Variants in SCMH1 observed in about 807,000 individuals in gnomAD.
SCMH1 encodes polycomb protein SCMH1.
In SCMH1, 37 loss-of-function variants were observed where a neutral mutation model predicts 70.8. That is an observed-to-expected ratio of 0.52 (90% CI 0.40 to 0.69). The LOEUF (loss-of-function observed/expected upper bound fraction) is 0.69. Among genes scored for constraint, SCMH1 ranks in the 30% least tolerant of loss-of-function variants. The pLI is 0.00. For missense variants in SCMH1, 607 were observed against 827.3 expected, an observed-to-expected ratio of 0.73 and a Z score of 3.27; for synonymous variants, 292 against 307.4, an observed-to-expected ratio of 0.95 and a Z score of 0.52.
At chr1:41,134,170 C>T (rs1008987343) in intron 6 of SCMH1, among the ~76,000 whole-genome samples, 1 of 152,130 alleles carries the variant, frequency 6.6e-6, no homozygotes, top group African/African-American at 2.4e-5. Context: ...TAAACAGAAC[C>T]AATGACAAAC....
chr1:41,079,682 T>C (rs1571879055), intron 8 of SCMH1, among the ~76,000 whole-genome samples: 1 of 152,088 alleles, frequency 6.6e-6, no homozygotes, highest in Non-Finnish European at 1.5e-5. Flanking sequence ...GGCAACACTG[T>C]GAGACCCCAT....
intron 9 of SCMH1, among the ~76,000 whole-genome samples, chr1:41,072,938 G>T (rs896618207): frequency 6.6e-6 from 1 of 152,064 alleles, no homozygotes; most frequent in Non-Finnish European, 1.5e-5. Flanking sequence ...CACTTGTAGG[G>T]GTAGGCAAAA....
At chr1:41,124,572 TA>T (rs1672716840) in intron 6 of SCMH1, among the ~76,000 whole-genome samples, 1 of 150,944 alleles carries the variant, frequency 6.6e-6, no homozygotes, top group Non-Finnish European at 1.5e-5. Flanking sequence ...TCCTCATAAT[TA>T]CATTCATGCT....
intron 8 of SCMH1, among the ~76,000 whole-genome samples, chr1:41,096,304 G>T (rs1344533759): frequency 1.3e-5 from 2 of 152,158 alleles, no homozygotes; most frequent in Admixed American, 6.5e-5. Context: ...AAAAATACTT[G>T]CTTAAGATCT....
rs541341452 is a variant in SCMH1, at chr1:41,133,748, A to G, written c.412+9130T>C. The stretch of plus-strand genomic sequence containing the variant: ...CAAGACTAAATCAGGAAGAAGCTGA[A>G]TCTCTAAATAGACCAAAGGTTCTGA... On this transcript the variant is annotated intron_variant, in intron 6 of 14. Transcript: ENST00000337495. Among the ~76,000 whole-genome samples the G allele has an allele frequency of 1.0e-3, 156 of 152,336 alleles. 1 individual carries two copies. Among genetic ancestry groups the G allele is most frequent in the Non-Finnish European group, 1.7e-3 (116 of 68,024 alleles).
chr1:41,128,542 A>G (rs2148041517), intron 6 of SCMH1, among the ~76,000 whole-genome samples: 1 of 152,150 alleles, frequency 6.6e-6, no homozygotes, highest in South Asian at 2.1e-4. Flanking sequence ...TTGTTCTTCT[A>G]TATATCATGT....
chr1:41,190,806 G>A (rs935200519), intron 1 of SCMH1, among the ~76,000 whole-genome samples: 12 of 152,000 alleles, frequency 7.9e-5, no homozygotes, highest in African/African-American at 1.9e-4. Flanking sequence ...TCTCTTCTGC[G>A]TCTCCATCTA....
chr1:41,111,060 T>C (rs1669131154), intron 8 of SCMH1, among the ~76,000 whole-genome samples: 1 of 152,246 alleles, frequency 6.6e-6, no homozygotes, highest in African/African-American at 2.4e-5. Flanking sequence ...CTTAAGTGCT[T>C]ATTGGCTATC....
At chr1:41,158,130 G>A (rs1270186370) in intron 4 of SCMH1, among the ~76,000 whole-genome samples, 2 of 152,176 alleles carry the variant, frequency 1.3e-5, no homozygotes, top group Non-Finnish European at 2.9e-5. Context: ...CTGAGGACCA[G>A]GTGAAGGAAC....
chr1:41,049,307 CAT>C (rs1571471818), intron 10 of SCMH1, among the ~76,000 whole-genome samples: 1 of 72,498 alleles, frequency 1.4e-5, no homozygotes, highest in Non-Finnish European at 2.6e-5. Flanking sequence ...TTAGCAAGGG[CAT>C]ATGTGTGTGT....
intron 8 of SCMH1, among the ~76,000 whole-genome samples, chr1:41,079,849 ATT>A (rs200411954): frequency 6.6e-6 from 1 of 151,382 alleles, no homozygotes; most frequent in Non-Finnish European, 1.5e-5. Flanking sequence ...AATGCTCTAA[ATT>A]TTTTTTGTAT....
intron 1 of SCMH1, among the ~76,000 whole-genome samples, chr1:41,200,039 A>T (rs1653938371): frequency 6.6e-6 from 1 of 152,216 alleles, no homozygotes; most frequent in Non-Finnish European, 1.5e-5. Context: ...GGCAAATCTT[A>T]AACAAATGTA....
intron 1 of SCMH1, among the ~76,000 whole-genome samples, chr1:41,202,385 C>T (rs545765600): frequency 6.6e-6 from 1 of 151,984 alleles, no homozygotes; most frequent in South Asian, 2.1e-4. Flanking sequence ...AAGATGCCTT[C>T]CTCAACTTCC....
intron 2 of SCMH1, among the ~76,000 whole-genome samples, chr1:41,167,290 T>C (rs1178548981): frequency 6.6e-6 from 1 of 152,124 alleles, no homozygotes; most frequent in African/African-American, 2.4e-5. Context: ...GCAGTCTTCT[T>C]TTTCTTCTTA....
chr1:41,147,607 C>G (rs1644705870), intron 5 of SCMH1, among the ~76,000 whole-genome samples: 1 of 151,852 alleles, frequency 6.6e-6, no homozygotes, highest in Admixed American at 6.6e-5. Context: ...TTTTTTTTCT[C>G]TACTTGTTCT....
intron 4 of SCMH1, among the ~76,000 whole-genome samples, chr1:41,155,459 A>AAAACAAACAAAC (rs138222770): frequency 6.6e-6 from 1 of 151,484 alleles, no homozygotes; most frequent in African/African-American, 2.4e-5. Context: ...ACATGGAGCA[A>AAAACAAACAAAC]AAACAAACAA....
intron 1 of SCMH1, among the ~76,000 whole-genome samples, chr1:41,228,671 G>C (rs912537165): frequency 2.0e-5 from 3 of 151,646 alleles, no homozygotes; most frequent in African/African-American, 7.3e-5. Flanking sequence ...TGTGGTTCCA[G>C]GTACTTAGGA....
intron 10 of SCMH1, among the ~76,000 whole-genome samples, chr1:41,052,711 G>C (rs981112406): frequency 2.0e-5 from 3 of 152,132 alleles, no homozygotes; most frequent in African/African-American, 7.2e-5. Flanking sequence ...AAATAAACCA[G>C]ATACAAAAGA....
chr1:41,201,612 G>A (rs1654369483), intron 1 of SCMH1, among the ~76,000 whole-genome samples: 1 of 152,124 alleles, frequency 6.6e-6, no homozygotes, highest in African/African-American at 2.4e-5. Context: ...ATTTCTGGTT[G>A]GGAAACTCTG....
Sources: gnomAD v4.1 joint callset for allele counts (sites outside exome capture counted in the v4.1 genomes callset) on GRCh38, gnomAD v4.1.1 for gene constraint, MANE v1.5 for transcripts, NCBI Gene and HGNC (gene_info 2026-07-23, HGNC 2026-07-21) for gene names.